Variants in NEB observed in about 807,000 individuals in gnomAD.
NEB encodes nemaline myopathy type 2.
A neutral mutation model predicts 952.2 loss-of-function variants in NEB; 512 were observed. That is an observed-to-expected ratio of 0.54 (90% CI 0.50 to 0.58). NEB has a LOEUF of 0.58. Ranked by LOEUF, NEB falls within the 20% of genes least tolerant of loss-of-function variation. The pLI, the probability that NEB is intolerant of heterozygous loss-of-function variation, is 0.00. For missense variants in NEB, 8,428 were observed against 9,231.1 expected, an observed-to-expected ratio of 0.91 and a Z score of 3.56; for synonymous variants, 2,900 against 3,149.8, an observed-to-expected ratio of 0.92 and a Z score of 2.66.
chr2:151,643,982 T>A lies in NEB; in HGVS notation c.7792A>T (p.Thr2598Ser). The A allele has an allele frequency of 2.5e-6, 4 of 1,613,954 alleles. No individual in the cohort carries two copies. The highest frequency in any genetic ancestry group is 3.4e-6 in the Non-Finnish European group (4 of 1,179,882). ...ATGTCCACTGGGCTGCTGAACTTGG[T>A]CTTCCACTTCTCAAAGTCCTTCTTG... is the stretch of plus-strand genomic sequence containing the variant. ...EYKKDFEKWKTKFSSPVDMLG... is the reference protein window; with the variant it reads ...EYKKDFEKWKSKFSSPVDMLG... The change falls in exon 57 of 182, where the codon ACC becomes TCC. Residue 2598 changes from threonine to serine, a missense_variant. Thr to Ser is a moderately conservative substitution (Grantham distance 58, BLOSUM62 1). This residue lies in a region of NEB where 1,772 missense variants were observed against 1,960.3 expected (regional missense o/e 0.90). Coordinates refer to ENST00000397345, the MANE Select transcript of NEB (RefSeq NM_001164508.2).
intron 131 of NEB, among the ~76,000 whole-genome samples, chr2:151,547,940 T>C (rs2094911263): frequency 1.3e-5 from 2 of 152,212 alleles, no homozygotes; most frequent in South Asian, 4.1e-4. Flanking sequence ...CCTTCCACTT[T>C]CTATCAGATG....
At chr2:151,494,821 G>T (rs1480199704) in intron 173 of NEB, among the ~76,000 whole-genome samples, 1 of 152,024 alleles carries the variant, frequency 6.6e-6, no homozygotes. Context: ...GCTAATTTTT[G>T]TATTTTTTAG....
At chr2:151,513,364 G>A (rs1034334172) in intron 160 of NEB, among the ~76,000 whole-genome samples, 3 of 152,168 alleles carry the variant, frequency 2.0e-5, no homozygotes, top group Non-Finnish European at 2.9e-5. Flanking sequence ...TGCTCTGAAT[G>A]TCCCCAGAGC....
chr2:151,516,284 T>A (rs529801297), intron 157 of NEB, among the ~76,000 whole-genome samples, 175 bp downstream of exon 157: 12 of 152,352 alleles, frequency 7.9e-5, no homozygotes, highest in African/African-American at 2.6e-4. Flanking sequence ...AGAGCATTTT[T>A]AAAAAATAAC....
chr2:151,579,140 A>C (rs1374633363), intron 105 of NEB, among the ~76,000 whole-genome samples, 198 bp downstream of exon 105: 1 of 150,212 alleles, frequency 6.7e-6, no homozygotes, highest in Non-Finnish European at 1.5e-5. Context: ...CACATTAACA[A>C]ATCTATAGGA....
intron 54 of NEB, among the ~76,000 whole-genome samples, chr2:151,646,975 G>A (rs943851420): frequency 6.6e-6 from 1 of 151,890 alleles, no homozygotes. Flanking sequence ...TAATCATTGT[G>A]AAGGATTAGG....
chr2:151,670,106 A>G (rs772478726), intron 38 of NEB, among the ~76,000 whole-genome samples: 8 of 152,190 alleles, frequency 5.3e-5, no homozygotes, highest in Non-Finnish European at 1.0e-4. Flanking sequence ...AGCTAACTGG[A>G]AAAACACCAT....
chr2:151,643,595 T>C (rs1021726783), intron 57 of NEB, among the ~76,000 whole-genome samples: 1 of 152,350 alleles, frequency 6.6e-6, no homozygotes, highest in Middle Eastern at 3.4e-3. Context: ...ACTCAATCCT[T>C]TGATTGTCTA....
intron 124 of NEB, among the ~76,000 whole-genome samples, chr2:151,557,827 GCTAA>G (rs2095764808): frequency 6.6e-6 from 1 of 152,168 alleles, no homozygotes; most frequent in Non-Finnish European, 1.5e-5. Flanking sequence ...AGCTCTTCAT[GCTAA>G]AAACTCTCAA....
chr2:151,609,752 G>A (rs2097875521), intron 81 of NEB, 57 bp downstream of exon 81: 4 of 1,497,458 alleles, frequency 2.7e-6, no homozygotes, highest in Non-Finnish European at 3.6e-6. Context: ...CACTGACTGG[G>A]CAATGAACAA....
At chr2:151,501,547 TAA>T (rs1013651230) in intron 167 of NEB, 64 bp from the exon 168 acceptor site, 22 of 877,612 alleles carry the variant, frequency 2.5e-5, no homozygotes, top group Middle Eastern at 2.4e-4. Context: ...AGACTTAACC[TAA>T]AAAAACAGCC....
At chr2:151,519,847 G>A in intron 153 of NEB, 79 bp from the exon 154 acceptor site, 1 of 931,294 alleles carries the variant, frequency 1.1e-6, no homozygotes, top group Non-Finnish European at 1.8e-6. Flanking sequence ...AAACACAAAT[G>A]CCAAAGAATA....
chr2:151,492,361 C>A, intron 177 of NEB, 26 bp downstream of exon 177: 1 of 1,589,942 alleles, frequency 6.3e-7, no homozygotes, highest in South Asian at 1.1e-5. Context: ...AGGCAGCCAG[C>A]CAATCCTAAA....
At chr2:151,672,930 A>G (rs1199920030) in intron 36 of NEB, among the ~76,000 whole-genome samples, 3 of 152,244 alleles carry the variant, frequency 2.0e-5, no homozygotes, top group Non-Finnish European at 4.4e-5. Flanking sequence ...GTGGAACTTT[A>G]TTTTAAACAA....
At chr2:151,618,867 A>G (rs1300475076) in intron 73 of NEB, among the ~76,000 whole-genome samples, 1 of 152,200 alleles carries the variant, frequency 6.6e-6, no homozygotes, top group African/African-American at 2.4e-5. Flanking sequence ...TTTTATTTCC[A>G]TCTTCAAAAA....
chr2:151,609,807 A>G lies in NEB; in HGVS notation c.12330+2T>C, dbSNP rs1374971806. On this transcript the variant is annotated splice_donor_variant, in intron 81 of 181. Coordinates refer to ENST00000397345, the MANE Select transcript of NEB (RefSeq NM_001164508.2). LOFTEE classifies it high-confidence loss of function. ...CCCTTTCCCAAAATTCATGTTACGT[A>G]CATCACTCTGCAGGTCATAGGCCTT... 3 of 1,570,092 alleles carry G rather than the reference A, an allele frequency of 1.9e-6. No homozygotes were observed. In the Admixed American group the frequency reaches 5.5e-5, roughly 29 times the overall value.
chr2:151,682,535 C>T (rs560204569), intron 29 of NEB, 127 bp downstream of exon 29: 26 of 737,636 alleles, frequency 3.5e-5, no homozygotes, highest in African/African-American at 2.4e-4. Context: ...AATTTGTGCA[C>T]GTGGTAAGCT....
At chr2:151,565,677 G>A (rs2096335415) in intron 115 of NEB, 39 bp downstream of exon 115, 1 of 1,582,120 alleles carries the variant, frequency 6.3e-7, no homozygotes. Context: ...GCAGGTAGGA[G>A]GACAGGCATA....
intron 25 of NEB, 98 bp from the exon 26 acceptor site, chr2:151,687,831 T>C (rs1227807659): frequency 4.6e-6 from 5 of 1,081,812 alleles, no homozygotes; most frequent in Non-Finnish European, 6.8e-6. Flanking sequence ...TATAGACTTA[T>C]TTCTCCTATA....
Sources: allele counts gnomAD v4.1 joint callset (sites outside exome capture counted in the v4.1 genomes callset), GRCh38; gene constraint gnomAD v4.1.1; regional missense constraint gnomAD v4.1.1; transcripts MANE v1.5; gene names NCBI Gene and HGNC (gene_info 2026-07-23, HGNC 2026-07-21).